The following RBFOX1 variants were observed in gnomAD, a reference collection of about 807,000 sequenced individuals.
The protein encoded by RBFOX1 is RNA binding protein fox-1 homolog 1.
RBFOX1 carries 8 observed loss-of-function variants against 57.7 expected under a neutral mutation model. That is an observed-to-expected ratio of 0.14 (90% confidence interval 0.08 to 0.25). RBFOX1 has a LOEUF of 0.25. Among genes scored for constraint, RBFOX1 ranks in the 10% least tolerant of loss-of-function variants. The pLI is 1.00. For missense variants in RBFOX1, 611 were observed against 548.5 expected (o/e 1.11, Z -1.14); for synonymous variants, 326 against 222.4 (o/e 1.47, Z -4.15).
At chr16:6,530,707 A>AAGAG (rs572027484) in intron 2 of RBFOX1, among the ~76,000 whole-genome samples, 2 of 152,002 alleles carry the variant, frequency 1.3e-5, no homozygotes, top group East Asian at 3.9e-4. Context: ...GTGGCAGGTG[A>AAGAG]AGAGAGAGAG....
chr16:7,148,558 T>C (rs927548422), intron 4 of RBFOX1, among the ~76,000 whole-genome samples: 1 of 152,218 alleles, frequency 6.6e-6, no homozygotes, highest in Non-Finnish European at 1.5e-5. Flanking sequence ...ACAGACAACA[T>C]AGCTGTTTGA....
At chr16:6,388,365 C>G (rs1446062445) in intron 2 of RBFOX1, among the ~76,000 whole-genome samples, 1 of 151,636 alleles carries the variant, frequency 6.6e-6, no homozygotes, top group Non-Finnish European at 1.5e-5. Context: ...GAATGAAACT[C>G]ACACTCACAG....
chr16:7,351,418 G>A (rs759455393), intron 4 of RBFOX1, among the ~76,000 whole-genome samples: 2 of 152,270 alleles, frequency 1.3e-5, no homozygotes, highest in Non-Finnish European at 1.5e-5. Context: ...ACGCAATGAA[G>A]TCAGCTTTGA....
intron 1 of RBFOX1, among the ~76,000 whole-genome samples, chr16:6,156,214 T>C (rs1045520237): frequency 6.6e-6 from 1 of 152,206 alleles, no homozygotes; most frequent in East Asian, 1.9e-4. Context: ...TTAGCACACA[T>C]GAACTAATGC....
At chr16:5,341,873 G>A (rs899059798) in intron 1 of RBFOX1, among the ~76,000 whole-genome samples, 3 of 152,164 alleles carry the variant, frequency 2.0e-5, no homozygotes. Context: ...CAGAGCTGCT[G>A]TGTAAGTCAC....
intron 4 of RBFOX1, among the ~76,000 whole-genome samples, chr16:5,962,484 C>G (rs539580215): frequency 1.2e-4 from 18 of 152,140 alleles, no homozygotes; most frequent in Non-Finnish European, 1.9e-4. Context: ...TGCCTTTCTC[C>G]ACCTTTTTTC....
intron 3 of RBFOX1, among the ~76,000 whole-genome samples, chr16:6,850,847 A>G (rs943904159): frequency 1.3e-5 from 2 of 152,232 alleles, no homozygotes; most frequent in Non-Finnish European, 2.9e-5. Context: ...TGCACCTCCC[A>G]TATAATTGAG....
chr16:7,695,786 C>A (rs562589895), intron 14 of RBFOX1, among the ~76,000 whole-genome samples: 1 of 151,656 alleles, frequency 6.6e-6, no homozygotes, highest in Non-Finnish European at 1.5e-5. Context: ...TACTGGATAT[C>A]AGAGTTTGAC....
intron 5 of RBFOX1, among the ~76,000 whole-genome samples, chr16:7,579,140 G>A (rs2093559333): frequency 6.6e-6 from 1 of 152,202 alleles, no homozygotes; most frequent in South Asian, 2.1e-4. Flanking sequence ...TCAGTTAAAT[G>A]TAAATTGTCA....
chr16:5,337,792 A>T (rs2064935601), intron 1 of RBFOX1, among the ~76,000 whole-genome samples: 2 of 152,196 alleles, frequency 1.3e-5, no homozygotes, highest in Non-Finnish European at 2.9e-5. Context: ...GCAAGGAAGG[A>T]ACTGGACTTT....
At chr16:6,029,947 T>C (rs2095265066) in intron 1 of RBFOX1, among the ~76,000 whole-genome samples, 1 of 152,138 alleles carries the variant, frequency 6.6e-6, no homozygotes. Context: ...GAGAGTCTCA[T>C]TTGTTGCCCA....
intron 1 of RBFOX1, among the ~76,000 whole-genome samples, chr16:5,297,071 C>T (rs372770184): frequency 5.3e-5 from 8 of 152,244 alleles, no homozygotes; most frequent in African/African-American, 1.9e-4. Flanking sequence ...CCAGGTTCAT[C>T]CATGTTGTTG....
chr16:5,882,161 C>G (rs1478395660), intron 4 of RBFOX1, among the ~76,000 whole-genome samples: 4 of 152,338 alleles, frequency 2.6e-5, no homozygotes, highest in African/African-American at 7.2e-5. Flanking sequence ...TTTCCACACA[C>G]TGTGAAGGTG....
intron 3 of RBFOX1, among the ~76,000 whole-genome samples, chr16:6,728,341 C>T (rs1170774968): frequency 2.0e-5 from 3 of 146,618 alleles, no homozygotes; most frequent in Non-Finnish European, 4.5e-5. Flanking sequence ...GCAAATTTCT[C>T]TCCTGTATAA....
intron 4 of RBFOX1, among the ~76,000 whole-genome samples, chr16:7,214,245 A>T (rs116743938): frequency 6.6e-6 from 1 of 152,114 alleles, no homozygotes; most frequent in Non-Finnish European, 1.5e-5. Flanking sequence ...TTTTTTCTCA[A>T]AAGACTTCTG....
intron 4 of RBFOX1, among the ~76,000 whole-genome samples, chr16:7,239,119 T>A (rs1348541873): frequency 1.3e-5 from 2 of 152,212 alleles, no homozygotes; most frequent in Non-Finnish European, 2.9e-5. Context: ...GCATGTCTTT[T>A]TATTATCATT....
At chr16:7,405,648 A>C (rs1349996916) in intron 4 of RBFOX1, among the ~76,000 whole-genome samples, 1 of 152,214 alleles carries the variant, frequency 6.6e-6, no homozygotes, top group Non-Finnish European at 1.5e-5. Flanking sequence ...AATCAGAGCA[A>C]GCAAGGCTGT....
At chr16:5,809,392 C>A (rs984948022) in intron 3 of RBFOX1, among the ~76,000 whole-genome samples, 1 of 151,952 alleles carries the variant, frequency 6.6e-6, no homozygotes, top group Non-Finnish European at 1.5e-5. Flanking sequence ...AGGCAGCCTA[C>A]ACAATGGGAG....
intron 1 of RBFOX1, among the ~76,000 whole-genome samples, chr16:6,089,074 A>T (rs1338864516): frequency 4.4e-4 from 63 of 144,458 alleles, no homozygotes; most frequent in African/African-American, 7.0e-4. Context: ...TCAAAAAAAA[A>T]AAAAATATAT....
Sources: gnomAD v4.1 joint callset for allele counts (sites outside exome capture counted in the v4.1 genomes callset) on GRCh38, gnomAD v4.1.1 for gene constraint, MANE v1.5 for transcripts, NCBI Gene and HGNC (gene_info 2026-07-23, HGNC 2026-07-21) for gene names.